ZNF831: variants seen among roughly 807,000 people sequenced by gnomAD.
ZNF831 encodes the protein zinc finger protein 831.
A neutral mutation model predicts 95.8 loss-of-function variants in ZNF831; 59 were observed. The observed-to-expected ratio is 0.62, with a 90% CI of 0.50 to 0.77. The LOEUF is 0.77. ZNF831 is among the 30% of genes least tolerant of loss of function. ZNF831 has a pLI of 0.00. For missense variants in ZNF831, 2,205 were observed against 2,164.0 expected (o/e 1.02, Z -0.38); for synonymous variants, 961 against 925.5 (o/e 1.04, Z -0.70).
chr20:59,215,002 G>A (rs189224549), intron 4 of ZNF831, among the ~76,000 whole-genome samples: 6 of 152,242 alleles, frequency 3.9e-5, no homozygotes, highest in Admixed American at 2.6e-4. Context: ...ATATTTATCT[G>A]CACATCTCTT....
intron 1 of ZNF831, among the ~76,000 whole-genome samples, chr20:59,132,473 G>A (rs1979378053): frequency 6.6e-6 from 1 of 152,128 alleles, no homozygotes; most frequent in African/African-American, 2.4e-5. Context: ...GCTGGAGGAG[G>A]CCTCTTCCCT....
chr20:59,173,286 A>G (rs182110432), intron 1 of ZNF831, among the ~76,000 whole-genome samples: 2 of 152,306 alleles, frequency 1.3e-5, no homozygotes, highest in South Asian at 4.2e-4. Context: ...TTCAACTGCC[A>G]TTTTAATTCA....
intron 1 of ZNF831, among the ~76,000 whole-genome samples, chr20:59,136,493 C>A (rs1320890578): frequency 6.6e-6 from 1 of 152,188 alleles, no homozygotes; most frequent in East Asian, 1.9e-4. Context: ...GACACCAGCT[C>A]TGTCCTGAGA....
chr20:59,196,655 C>T (rs1984133565), intron 3 of ZNF831, among the ~76,000 whole-genome samples: 2 of 152,192 alleles, frequency 1.3e-5, no homozygotes, highest in South Asian at 2.1e-4. Context: ...TGATCTCCTC[C>T]TCTCCTGCTC....
intron 1 of ZNF831, among the ~76,000 whole-genome samples, chr20:59,171,155 A>C (rs947811593): frequency 2.0e-5 from 3 of 152,040 alleles, no homozygotes; most frequent in African/African-American, 7.2e-5. Context: ...TGTGGCTGGG[A>C]GGGGGAACTC....
intron 4 of ZNF831, among the ~76,000 whole-genome samples, chr20:59,233,167 C>T (rs981333853): frequency 3.9e-5 from 6 of 152,102 alleles, no homozygotes; most frequent in Non-Finnish European, 7.4e-5. Context: ...AGGTTCTTAG[C>T]GGTTGCATTG....
rs542947304 is a variant in ZNF831, at chr20:59,207,035, C to A, written c.4006C>A (p.Gln1336Lys). 6.2e-7 allele frequency: 1 copy of A among 1,614,102 alleles called. No individual in the cohort carries two copies. The highest frequency in any genetic ancestry group is 1.1e-5 in the South Asian group (1 of 91,066). The change falls in exon 4 of 6, where the codon CAG (glutamine) becomes AAG (lysine). Residue 1336 changes from glutamine (Q) to lysine (K), a missense_variant. Gln to Lys is a moderately conservative substitution (Grantham distance 53). Transcript: ENST00000371030. ...ACTGAAGCCATGCAGGACCCCTGGG[C>A]AGACCTCTTCAGAAATAGCAGGTAA... ...EGLKPCRTPG[Q>K]TSSEIAGLNL...
intron 1 of ZNF831, among the ~76,000 whole-genome samples, chr20:59,140,985 T>G (rs1979659777): frequency 6.6e-6 from 1 of 152,154 alleles, no homozygotes; most frequent in Non-Finnish European, 1.5e-5. Context: ...CTGCAACCTC[T>G]TCCTCCCAGG....
At chr20:59,144,228 T>C (rs1979766932) in intron 1 of ZNF831, among the ~76,000 whole-genome samples, 1 of 152,224 alleles carries the variant, frequency 6.6e-6, no homozygotes, top group Admixed American at 6.5e-5. Flanking sequence ...TTAAATGATA[T>C]GACAGTCGCT....
intron 1 of ZNF831, among the ~76,000 whole-genome samples, chr20:59,185,546 C>T (rs1012389520): frequency 2.0e-5 from 3 of 152,094 alleles, no homozygotes; most frequent in Admixed American, 2.0e-4. Context: ...TGAGACACCC[C>T]TCGGGTGACA....
intron 2 of ZNF831, among the ~76,000 whole-genome samples, chr20:59,154,099 C>T (rs567871314): frequency 6.6e-6 from 1 of 152,272 alleles, no homozygotes; most frequent in African/African-American, 2.4e-5. Flanking sequence ...GTCCAGAGAG[C>T]TAAGCTAAAT....
chr20:59,125,725 A>G (rs1213889467), intron 1 of ZNF831, among the ~76,000 whole-genome samples: 1 of 152,166 alleles, frequency 6.6e-6, no homozygotes, highest in Non-Finnish European at 1.5e-5. Flanking sequence ...TAAAATTATG[A>G]GAGAGTTGTT....
intron 4 of ZNF831, among the ~76,000 whole-genome samples, chr20:59,233,337 G>C (rs984633469): frequency 3.3e-5 from 5 of 152,124 alleles, no homozygotes; most frequent in African/African-American, 1.2e-4. Context: ...TTTTGGCCTA[G>C]GTTCTTCTCC....
chr20:59,196,940 C>T (rs1374759849), intron 3 of ZNF831, among the ~76,000 whole-genome samples: 2 of 143,324 alleles, frequency 1.4e-5, no homozygotes, highest in Non-Finnish European at 3.0e-5. Flanking sequence ...CCACGCCCAG[C>T]TATTTTTTTT....
chr20:59,196,045 C>G (rs1246546111), intron 3 of ZNF831, 40 bp downstream of exon 3: 1 of 1,604,128 alleles, frequency 6.2e-7, no homozygotes, highest in African/African-American at 1.3e-5. Flanking sequence ...CACAAAACCC[C>G]AAGAAGAATT....
chr20:59,132,084 G>A (rs906305125), intron 1 of ZNF831, among the ~76,000 whole-genome samples: 1 of 152,188 alleles, frequency 6.6e-6, no homozygotes. Context: ...CCCATTGTAT[G>A]AGAAATTTCA....
chr20:59,204,400 A>AC (rs761858489), intron 3 of ZNF831, among the ~76,000 whole-genome samples: 3 of 152,014 alleles, frequency 2.0e-5, no homozygotes, highest in Non-Finnish European at 4.4e-5. Flanking sequence ...GCTGCATGTG[A>AC]CCCCCACCAC....
In ZNF831 at chr20:59,194,497, C is replaced by G. The variant is rs200526315; in HGVS notation, c.3478C>G (p.Arg1160Gly). 1 of 1,611,590 alleles carries G rather than the reference C, an allele frequency of 6.2e-7. No individual in the cohort carries two copies. Among genetic ancestry groups the G allele is most frequent in the Non-Finnish European group, 8.5e-7 (1 of 1,178,966 alleles). Residue 1160 changes from arginine to glycine, a missense_variant, in exon 2 of 6, where the codon CGG becomes GGG. Arg to Gly is a moderately radical substitution (Grantham distance 125). Coordinates refer to ENST00000371030, the MANE Select transcript of ZNF831 (RefSeq NM_178457.3). ...CTTGTCTTCCCACTCAGGGACGTCC[C>G]GGAGCCACAGCACCCGCAGTCCCCA... Reference protein sequence around the residue: ...LALSSHSGTSRSHSTRSPHST... With the variant: ...LALSSHSGTSGSHSTRSPHST...
At chr20:59,218,606 T>A (rs532681204) in intron 4 of ZNF831, among the ~76,000 whole-genome samples, 77 of 151,758 alleles carry the variant, frequency 5.1e-4, no homozygotes, top group Non-Finnish European at 9.6e-4. Flanking sequence ...TTTTTTTTTT[T>A]TATATATATA....
Sources: gnomAD v4.1 joint callset for allele counts (sites outside exome capture counted in the v4.1 genomes callset) on GRCh38, gnomAD v4.1.1 for gene constraint, MANE v1.5 for transcripts, NCBI Gene and HGNC (gene_info 2026-07-23, HGNC 2026-07-21) for gene names.